MCTP1: variants seen among roughly 807,000 people sequenced by gnomAD.
The protein encoded by MCTP1 is multiple C2 and transmembrane domain-containing protein 1.
Under a neutral mutation model 120.6 loss-of-function variants are expected in MCTP1, and 69 were observed. The observed-to-expected ratio is 0.57, with a 90% CI of 0.47 to 0.70. The LOEUF (loss-of-function observed/expected upper bound fraction) is 0.70. Ranked by LOEUF, MCTP1 falls within the 30% of genes least tolerant of loss-of-function variation. The pLI is 0.00. For synonymous variants in MCTP1, 529 were observed against 493.1 expected (o/e 1.07, Z -0.96); for missense variants, 1,203 against 1,248.8 (o/e 0.96, Z 0.55).
At chr5:95,214,031 A>C (rs2152572384) in intron 1 of MCTP1, among the ~76,000 whole-genome samples, 1 of 152,378 alleles carries the variant, frequency 6.6e-6, no homozygotes, top group South Asian at 2.1e-4. Context: ...AATTAAACTA[A>C]AGAGCTTCTG....
intron 1 of MCTP1, among the ~76,000 whole-genome samples, chr5:95,040,279 T>C (rs1842114088): frequency 6.6e-6 from 1 of 151,796 alleles, no homozygotes; most frequent in African/African-American, 2.4e-5. Context: ...CTACTAAATA[T>C]ACAAAAAAAT....
intron 1 of MCTP1, among the ~76,000 whole-genome samples, chr5:95,069,931 C>T (rs1751711134): frequency 1.3e-5 from 2 of 152,154 alleles, no homozygotes; most frequent in East Asian, 3.9e-4. Context: ...TCTTGATCTC[C>T]TGACCTTGTG....
intron 18 of MCTP1, among the ~76,000 whole-genome samples, chr5:94,781,988 T>C (rs923169908): frequency 1.2e-4 from 18 of 152,106 alleles, no homozygotes; most frequent in Admixed American, 5.9e-4. Flanking sequence ...ATTTATAATA[T>C]AGATGGTTTC....
chr5:94,974,310 G>A (rs1349496636), intron 2 of MCTP1, among the ~76,000 whole-genome samples: 2 of 152,138 alleles, frequency 1.3e-5, no homozygotes, highest in Non-Finnish European at 2.9e-5. Context: ...GCTTTGGGAG[G>A]CCACGGTGGG....
chr5:94,750,434 A>G (rs1768022123), intron 19 of MCTP1, among the ~76,000 whole-genome samples: 1 of 152,202 alleles, frequency 6.6e-6, no homozygotes, highest in Admixed American at 6.5e-5. Context: ...GGTCATATAC[A>G]AATATTCTGG....
At chr5:94,828,147 G>A (rs1476352316) in intron 17 of MCTP1, among the ~76,000 whole-genome samples, 3 of 152,006 alleles carry the variant, frequency 2.0e-5, no homozygotes, top group Non-Finnish European at 1.5e-5. Flanking sequence ...GTTTTTGCGT[G>A]GTCATCCTTT....
At position 95,081,739 on chromosome 5, in the gene MCTP1, T is replaced by C. The variant is rs1463392515; in HGVS notation, c.721-64255A>G. ...AAACCAGTAAGGGAAGAGTTTCCCA[T>C]TGCAAAACTGTTAGTACAGATTACA... is the stretch of plus-strand genomic sequence containing the variant. On this transcript the variant is annotated intron_variant, in intron 1 of 22. Transcript: ENST00000515393. The C allele has an allele frequency of 3.2e-6, 4 of 1,231,578 alleles. No individual in the cohort carries two copies. In the African/African-American group the frequency reaches 6.1e-5, roughly 19 times the overall value. 76.3% of individuals were successfully genotyped at this position (1,231,578 alleles called of 1,614,324 possible). A position where few individuals can be genotyped will look rare whatever the true frequency, so the allele number is the denominator to read the frequency against.
Position 94,940,182 on chromosome 5 carries a change from T to A in MCTP1, c.1075A>T (p.Thr359Ser), listed in dbSNP as rs771240726. 6.3e-7 allele frequency: 1 copy of A among 1,596,074 alleles called. No homozygotes were observed. Among genetic ancestry groups the A allele is most frequent in the Non-Finnish European group, 8.6e-7 (1 of 1,167,998 alleles). Residue 359 changes from threonine to serine, a missense_variant, in exon 5 of 23, where the codon ACC (threonine) becomes TCC (serine). Transcript: ENST00000515393. The part of the protein sequence containing the change: ...QLELNRPTDV[T>S]LTLKDPHYPD... ...TAATGAGGATCTTTCAGAGTAAGGG[T>A]CACATCTGTGGGCCTGTGATAGAAA...
intron 1 of MCTP1, among the ~76,000 whole-genome samples, chr5:95,035,310 G>A (rs950364085): frequency 6.6e-6 from 1 of 151,982 alleles, no homozygotes; most frequent in African/African-American, 2.4e-5. Context: ...CAAAGGCATG[G>A]AATCAACCTA....
At chr5:95,144,994 T>A (rs1274629474) in intron 1 of MCTP1, among the ~76,000 whole-genome samples, 2 of 152,176 alleles carry the variant, frequency 1.3e-5, no homozygotes, top group African/African-American at 4.8e-5. Flanking sequence ...TTGGGAAATA[T>A]GGCCATTTTA....
At chr5:94,990,524 G>C (rs974399893) in intron 2 of MCTP1, among the ~76,000 whole-genome samples, 5 of 152,094 alleles carry the variant, frequency 3.3e-5, no homozygotes, top group African/African-American at 1.2e-4. Flanking sequence ...CCAGCAAGAG[G>C]GTCACGCTAG....
intron 2 of MCTP1, among the ~76,000 whole-genome samples, chr5:94,991,485 A>G (rs1831534952): frequency 6.6e-6 from 1 of 152,236 alleles, no homozygotes; most frequent in Non-Finnish European, 1.5e-5. Flanking sequence ...GCCCTCTTGA[A>G]AACCGATAAT....
chr5:95,207,263 T>C (rs376678067), intron 1 of MCTP1, among the ~76,000 whole-genome samples: 28 of 152,232 alleles, frequency 1.8e-4, no homozygotes, highest in East Asian at 7.7e-4. Context: ...CATCTTTCAA[T>C]AGAGCAGCAG....
At position 95,199,570 on chromosome 5, in the gene MCTP1, A is replaced by T. The variant is rs550453212; in HGVS notation, c.720+84286T>A. Among the ~76,000 whole-genome samples the T allele has an allele frequency of 5.3e-5, 8 of 151,514 alleles. No individual in the cohort carries two copies. The South Asian group carries it at 1.7e-3, about 32-fold the overall frequency. On this transcript the variant is annotated intron_variant, in intron 1 of 22. Coordinates refer to ENST00000515393, the MANE Select transcript of MCTP1 (RefSeq NM_024717.7). ...TAGAATGGCTATTATGAAAAAGACA[A>T]AAGATTGCTGGGTGTGGTGGCTCAC... is the stretch of plus-strand genomic sequence containing the variant.
chr5:94,780,313 T>G lies in MCTP1; in HGVS notation c.2557-1150A>C, dbSNP rs961594261. ...CAGGAATATTCTATTGGTGTACACT[T>G]TAATAACCAAGACTGTATTATGAAA... On this transcript the variant is annotated intron_variant, in intron 18 of 22. Coordinates refer to ENST00000515393, the MANE Select transcript of MCTP1 (RefSeq NM_024717.7). Among the ~76,000 whole-genome samples the G allele has an allele frequency of 5.9e-5, 9 of 152,044 alleles. No homozygotes were observed. In the East Asian group the frequency reaches 1.7e-3, roughly 29 times the overall value.
intron 18 of MCTP1, among the ~76,000 whole-genome samples, chr5:94,784,541 T>C (rs1027857004): frequency 4.6e-5 from 7 of 152,066 alleles, no homozygotes; most frequent in African/African-American, 1.7e-4. Flanking sequence ...CTGGTATAAT[T>C]AATTGTATAC....
chr5:94,820,862 C>T (rs1321435938), intron 17 of MCTP1, among the ~76,000 whole-genome samples: 1 of 152,158 alleles, frequency 6.6e-6, no homozygotes, highest in Non-Finnish European at 1.5e-5. Context: ...CATACTTAAA[C>T]CCCATAGCTA....
intron 19 of MCTP1, among the ~76,000 whole-genome samples, chr5:94,775,531 C>T (rs1456089085): frequency 6.6e-6 from 1 of 152,074 alleles, no homozygotes; most frequent in African/African-American, 2.4e-5. Flanking sequence ...GATTTGGTGT[C>T]AGGTCAAAAA....
At chr5:95,144,159 G>C (rs1562179208) in intron 1 of MCTP1, among the ~76,000 whole-genome samples, 1 of 152,140 alleles carries the variant, frequency 6.6e-6, no homozygotes, top group Non-Finnish European at 1.5e-5. Context: ...CTAATGATTA[G>C]TAATGTTAAG....
Sources: allele counts gnomAD v4.1 joint callset (sites outside exome capture counted in the v4.1 genomes callset), GRCh38; gene constraint gnomAD v4.1.1; transcripts MANE v1.5; gene names NCBI Gene and HGNC (gene_info 2026-07-23, HGNC 2026-07-21).